FHOD3: variants seen among roughly 807,000 people sequenced by gnomAD.
FHOD3 encodes the protein formin homology 2 domain containing 3.
FHOD3 carries 90 observed loss-of-function variants against 173.0 expected under a neutral mutation model. That is an observed-to-expected ratio of 0.52 (90% confidence interval 0.44 to 0.62). The LOEUF is 0.62. Among genes scored for constraint, FHOD3 ranks in the 20% least tolerant of loss-of-function variants. The pLI is 0.00. For synonymous variants in FHOD3, 828 were observed against 823.0 expected (o/e 1.01, Z -0.10); for missense variants, 1,945 against 2,034.7 (o/e 0.96, Z 0.85).
At chr18:36,322,870 C>T (rs2044471774) in intron 1 of FHOD3, among the ~76,000 whole-genome samples, 12 of 152,200 alleles carry the variant, frequency 7.9e-5, no homozygotes, top group Admixed American at 7.9e-4. Context: ...CTCATTCATT[C>T]CACTGACACT....
At chr18:36,562,802 A>T (rs2058133630) in intron 5 of FHOD3, among the ~76,000 whole-genome samples, 2 of 152,188 alleles carry the variant, frequency 1.3e-5, no homozygotes, top group Non-Finnish European at 2.9e-5. Flanking sequence ...CATACAGGAG[A>T]CTCACCTGTG....
chr18:36,487,967 A>T (rs947231385), intron 3 of FHOD3, among the ~76,000 whole-genome samples: 2 of 152,234 alleles, frequency 1.3e-5, no homozygotes, highest in Non-Finnish European at 2.9e-5. Context: ...TTTAAGCTGT[A>T]CTGAACTTGT....
At chr18:36,537,303 G>T (rs534559722) in intron 5 of FHOD3, among the ~76,000 whole-genome samples, 2 of 152,282 alleles carry the variant, frequency 1.3e-5, no homozygotes, top group South Asian at 4.1e-4. Context: ...ATTCCTATTT[G>T]TCACCATCAT....
chr18:36,321,078 T>TTC (rs2044371094), intron 1 of FHOD3, among the ~76,000 whole-genome samples: 1 of 150,914 alleles, frequency 6.6e-6, no homozygotes, highest in South Asian at 2.1e-4. Context: ...TTCCTGTGAT[T>TTC]TTTTTTTTTT....
At chr18:36,464,106 T>C (rs1023349412) in intron 3 of FHOD3, among the ~76,000 whole-genome samples, 1 of 152,160 alleles carries the variant, frequency 6.6e-6, no homozygotes, top group East Asian at 1.9e-4. Context: ...ATGCTTCCAA[T>C]AGCTGACATT....
At chr18:36,633,448 T>G (rs2034656213) in intron 10 of FHOD3, among the ~76,000 whole-genome samples, 1 of 152,210 alleles carries the variant, frequency 6.6e-6, no homozygotes. Flanking sequence ...TAACTACCTA[T>G]TCTAACACCA....
At chr18:36,659,253 G>A (rs538763813) in intron 14 of FHOD3, among the ~76,000 whole-genome samples, 15 of 152,286 alleles carry the variant, frequency 9.8e-5, no homozygotes, top group Admixed American at 3.3e-4. Context: ...TAACTTCTAA[G>A]ATGGCATGTA....
At chr18:36,528,112 G>T (rs968430420) in intron 5 of FHOD3, among the ~76,000 whole-genome samples, 1 of 152,116 alleles carries the variant, frequency 6.6e-6, no homozygotes, top group Non-Finnish European at 1.5e-5. Context: ...ACAGTGCCTG[G>T]TGCATGGCAG....
chr18:36,430,566 G>T (rs558001309), intron 3 of FHOD3, among the ~76,000 whole-genome samples: 1 of 152,196 alleles, frequency 6.6e-6, no homozygotes, highest in Non-Finnish European at 1.5e-5. Context: ...AAGTCTGACA[G>T]TGATCTCTAG....
chr18:36,339,047 G>A (rs1414788344), intron 1 of FHOD3, among the ~76,000 whole-genome samples: 1 of 152,114 alleles, frequency 6.6e-6, no homozygotes, highest in Non-Finnish European at 1.5e-5. Context: ...AAGTGGTGGT[G>A]TCTCTGTCAC....
chr18:36,515,955 G>A (rs1237850011), intron 5 of FHOD3, among the ~76,000 whole-genome samples: 3 of 152,198 alleles, frequency 2.0e-5, no homozygotes, highest in Non-Finnish European at 4.4e-5. Flanking sequence ...ACATTTTGAT[G>A]TAACCAACCA....
At chr18:36,320,241 A>T (rs779924487) in intron 1 of FHOD3, among the ~76,000 whole-genome samples, 7 of 152,316 alleles carry the variant, frequency 4.6e-5, no homozygotes, top group Admixed American at 2.6e-4. Flanking sequence ...TGCTAGTAAG[A>T]CTAATAAAGA....
At chr18:36,406,495 G>A (rs930543574) in intron 3 of FHOD3, among the ~76,000 whole-genome samples, 4 of 152,262 alleles carry the variant, frequency 2.6e-5, no homozygotes, top group Non-Finnish European at 2.9e-5. Flanking sequence ...GGAGTGGTTG[G>A]GGGTGGGGAG....
At chr18:36,376,112 A>C (rs1446940057) in intron 3 of FHOD3, among the ~76,000 whole-genome samples, 1 of 152,192 alleles carries the variant, frequency 6.6e-6, no homozygotes, top group Admixed American at 6.5e-5. Flanking sequence ...AGACACCAGA[A>C]AAATGTTCAG....
At chr18:36,625,403 G>C in intron 9 of FHOD3, 108 bp from the exon 10 acceptor site, 1 of 1,035,568 alleles carries the variant, frequency 9.7e-7, no homozygotes, top group South Asian at 3.5e-5. Flanking sequence ...AGTTTGCGAA[G>C]ACAGAGTTAA....
At chr18:36,722,849 A>T (rs2040859684) in intron 19 of FHOD3, among the ~76,000 whole-genome samples, 1 of 152,202 alleles carries the variant, frequency 6.6e-6, no homozygotes, top group Non-Finnish European at 1.5e-5. Context: ...CACTCTCCAC[A>T]TTGACACCCC....
chr18:36,387,759 C>T (rs1435199586), intron 3 of FHOD3, among the ~76,000 whole-genome samples: 2 of 152,148 alleles, frequency 1.3e-5, no homozygotes, highest in Admixed American at 1.3e-4. Flanking sequence ...CCCGCATTGG[C>T]AGGGCTTGGC....
chr18:36,446,410 CTT>C (rs370689817), intron 3 of FHOD3, among the ~76,000 whole-genome samples: 41 of 143,948 alleles, frequency 2.8e-4, no homozygotes, highest in Non-Finnish European at 2.5e-4. Context: ...CCTCTGCGGA[CTT>C]TTTTTTTTTT....
At chr18:36,512,117 C>A (rs181185510) in intron 4 of FHOD3, among the ~76,000 whole-genome samples, 1 of 152,214 alleles carries the variant, frequency 6.6e-6, no homozygotes, top group Admixed American at 6.5e-5. Context: ...TCCCTTGGGA[C>A]CGTGGGGGAG....
Sources: gnomAD v4.1 joint callset for allele counts (sites outside exome capture counted in the v4.1 genomes callset) on GRCh38, gnomAD v4.1.1 for gene constraint, MANE v1.5 for transcripts, NCBI Gene and HGNC (gene_info 2026-07-23, HGNC 2026-07-21) for gene names.